ALLC: variants seen among roughly 807,000 people sequenced by gnomAD.
ALLC encodes the protein allantoicase.
Under a neutral mutation model 45.0 loss-of-function variants are expected in ALLC, and 40 were observed. That is an observed-to-expected ratio of 0.89 (90% CI 0.69 to 1.16). The LOEUF (loss-of-function observed/expected upper bound fraction) is 1.16, where lower values mean the gene tolerates loss of function less well. Among genes scored for constraint, ALLC ranks in the 50% most tolerant of loss-of-function variants. The pLI is 0.00. For missense variants in ALLC, 488 were observed against 493.1 expected, an observed-to-expected ratio of 0.99 and a Z score of 0.10; for synonymous variants, 176 against 178.1, an observed-to-expected ratio of 0.99 and a Z score of 0.09.
At chr2:3,664,583 A>G (rs1666648651) in intron 1 of ALLC, among the ~76,000 whole-genome samples, 1 of 152,188 alleles carries the variant, frequency 6.6e-6, no homozygotes, top group African/African-American at 2.4e-5. Flanking sequence ...CATTTCTGCC[A>G]ATTAAGGCAG....
chr2:3,661,493 A>T (rs1017748640), intron 1 of ALLC, among the ~76,000 whole-genome samples: 10 of 152,184 alleles, frequency 6.6e-5, no homozygotes, highest in African/African-American at 2.4e-4. Context: ...GCCCAGGACC[A>T]TCTGCTGGAG....
At chr2:3,697,218 C>A in intron 9 of ALLC, 130 bp from the exon 10 acceptor site, 1 of 634,560 alleles carries the variant, frequency 1.6e-6, no homozygotes, top group Admixed American at 2.9e-5. Flanking sequence ...ACACATCAGG[C>A]CACAGGAAAC....
chr2:3,655,599 G>A (rs558955042), upstream of ALLC, among the ~76,000 whole-genome samples: 1 of 152,152 alleles, frequency 6.6e-6, no homozygotes, highest in South Asian at 2.1e-4. Context: ...GGGAATACAG[G>A]TGTGTGTCAT....
upstream of ALLC, among the ~76,000 whole-genome samples, chr2:3,657,972 C>T (rs375726829): frequency 2.6e-5 from 4 of 152,336 alleles, no homozygotes; most frequent in East Asian, 7.7e-4. Flanking sequence ...GGGTTTCAGG[C>T]CCAGGCCAGT....
Position 3,695,865 on chromosome 2 carries a change from T to C in ALLC, c.660T>C (p.Asn220=). Residue 220 remains asparagine, a synonymous_variant, in exon 8 of 12, where the codon AAT becomes AAC. Transcript: ENST00000252505. ...FSNAKFGHPN[N]IIGVGGAKSM... ...ATGCTAAGTTTGGGCACCCAAACAA[T>C]ATAATAGGTAAGATGATATTCTTGG... 6.2e-7 allele frequency: 1 copy of C among 1,607,034 alleles called. No homozygotes were observed. The highest frequency in any genetic ancestry group is 8.5e-7 in the Non-Finnish European group (1 of 1,177,546).
chr2:3,702,489 A>G lies in ALLC; in HGVS notation c.1102A>G (p.Ser368Gly), dbSNP rs1356398062. 2.5e-6 allele frequency: 4 copies of G among 1,611,532 alleles called. No individual in the cohort carries two copies. Among genetic ancestry groups the G allele is most frequent in the Non-Finnish European group, 3.4e-6 (4 of 1,179,464 alleles). ...VSRLRLRGFPSSICLLRPREK... is the reference protein window; with the variant it reads ...VSRLRLRGFPGSICLLRPREK... The stretch of plus-strand genomic sequence containing the variant: ...CCGCCTTCGGCTCCGGGGCTTCCCC[A>G]GCTCCATCTGCCTCCTGAGGCCCCG... The change falls in exon 12 of 12, where the codon AGC becomes GGC. Residue 368 changes from serine (S) to glycine (G), a missense_variant. By Grantham distance (56) the Ser-to-Gly change is moderately conservative (BLOSUM62 0). Transcript: ENST00000252505.
chr2:3,665,220 G>A (rs1317400450), intron 1 of ALLC, among the ~76,000 whole-genome samples: 1 of 152,022 alleles, frequency 6.6e-6, no homozygotes, highest in Non-Finnish European at 1.5e-5. Flanking sequence ...CTGAAGACGA[G>A]CTTTTATTTA....
At chr2:3,693,198 C>T (rs1667566858) in intron 7 of ALLC, among the ~76,000 whole-genome samples, 1 of 152,138 alleles carries the variant, frequency 6.6e-6, no homozygotes, top group Admixed American at 6.5e-5. Context: ...AAGTGTTTTC[C>T]CATCCCTCAA....
upstream of ALLC, among the ~76,000 whole-genome samples, chr2:3,654,735 G>A (rs1369598914): frequency 1.3e-5 from 2 of 152,210 alleles, no homozygotes; most frequent in East Asian, 3.8e-4. Context: ...TTTCCCTTCA[G>A]CTGAGTGGAA....
intron 1 of ALLC, among the ~76,000 whole-genome samples, chr2:3,661,057 G>C (rs986519142): frequency 2.6e-5 from 4 of 152,182 alleles, no homozygotes; most frequent in African/African-American, 9.7e-5. Context: ...GTTTCAAACA[G>C]CATAGGCCTG....
At chr2:3,651,443 T>TGTGTGTGTGTGTGTGTG in the ALLC span, among the ~76,000 whole-genome samples, 1 of 16,808 alleles carries the variant, frequency 5.9e-5, no homozygotes, top group Non-Finnish European at 1.6e-4. Flanking sequence ...GTGTGTGTGT[T>TGTGTGTGTGTGTGTGTG]AGGAAGGGAG....
chr2:3,670,734 C>T (rs972314154), intron 1 of ALLC, among the ~76,000 whole-genome samples: 1 of 152,144 alleles, frequency 6.6e-6, no homozygotes, highest in South Asian at 2.1e-4. Context: ...TGAATGGCTT[C>T]AAAGACTATT....
Position 3,697,482 on chromosome 2 carries a change from C to T in ALLC, c.850+26C>T, listed in dbSNP as rs1359105550. Reference sequence around the variant, plus strand: ...GTAAATGCAAAGCCATAAAGAAGTACCCTATAATTGGTTTGTTTATTCTAA... The same window carrying T: ...GTAAATGCAAAGCCATAAAGAAGTATCCTATAATTGGTTTGTTTATTCTAA... On this transcript the variant is annotated intron_variant, in intron 10 of 11. Coordinates refer to ENST00000252505, the MANE Select transcript of ALLC (RefSeq NM_018436.4). The T allele has an allele frequency of 3.8e-6, 6 of 1,572,464 alleles. No homozygotes were observed. The African/African-American group carries it at 8.1e-5, about 21-fold the overall frequency.
rs1173371327 is a variant in ALLC, at chr2:3,680,892, G to A, written c.299-742G>A. Among the ~76,000 whole-genome samples the A allele has an allele frequency of 6.6e-6, 1 of 152,110 alleles. No homozygotes were observed. Among genetic ancestry groups the A allele is most frequent in the Non-Finnish European group, 1.5e-5 (1 of 68,018 alleles). On this transcript the variant is annotated intron_variant, in intron 5 of 11. Transcript: ENST00000252505. The surrounding 1 kb of genome is among the most constrained non-coding windows in gnomAD (Gnocchi z 4.0). ...TTGAGGCTAATCAGACATTGACATG[G>A]CAGATTCGCATCCAAGATGGAGTCA...
chr2:3,701,292 T>C (rs1667824216), intron 10 of ALLC, among the ~76,000 whole-genome samples: 2 of 152,198 alleles, frequency 1.3e-5, no homozygotes, highest in South Asian at 4.1e-4. Flanking sequence ...GGACTGCTTC[T>C]GAGTCCTCTG....
the ALLC span, among the ~76,000 whole-genome samples, chr2:3,649,826 AC>A: frequency 6.6e-6 from 1 of 152,346 alleles, no homozygotes; most frequent in African/African-American, 2.4e-5. Context: ...CCCAGAGACA[AC>A]CCACGCAGAC....
intron 1 of ALLC, among the ~76,000 whole-genome samples, chr2:3,667,979 G>T (rs1169202748): frequency 6.6e-6 from 1 of 152,152 alleles, no homozygotes. Context: ...TGGTTAGGCT[G>T]GTCTTGAACT....
At chr2:3,692,153 G>C (rs747906912) in intron 7 of ALLC, among the ~76,000 whole-genome samples, 8 of 152,260 alleles carry the variant, frequency 5.3e-5, no homozygotes, top group South Asian at 4.1e-4. Flanking sequence ...GTTCTTTGCT[G>C]TTGTTTCTTA....
intron 1 of ALLC, among the ~76,000 whole-genome samples, chr2:3,668,502 G>A (rs1170132774): frequency 2.0e-5 from 3 of 151,218 alleles, no homozygotes; most frequent in African/African-American, 7.3e-5. Context: ...GGAGGGAGAC[G>A]GTGCTGGTGT....
Sources: allele counts gnomAD v4.1 joint callset (sites outside exome capture counted in the v4.1 genomes callset), GRCh38; gene constraint gnomAD v4.1.1; non-coding constraint Gnocchi (gnomAD v3.1); transcripts MANE v1.5; gene names NCBI Gene and HGNC (gene_info 2026-07-23, HGNC 2026-07-21).